Variants in ANK3 observed in about 807,000 individuals in gnomAD.
The protein encoded by ANK3 is ankyrin 3, also known as ankyrin-3.
A neutral mutation model predicts 370.9 loss-of-function variants in ANK3; 57 were observed. The observed-to-expected ratio is 0.15, with a 90% CI of 0.12 to 0.19. The LOEUF (loss-of-function observed/expected upper bound fraction) is 0.19, where lower values mean the gene tolerates loss of function less well. Among genes scored for constraint, ANK3 ranks in the 10% least tolerant of loss-of-function variants. ANK3 has a pLI of 1.00. For synonymous variants in ANK3, 1,929 were observed against 1,946.3 expected (o/e 0.99, Z 0.23); for missense variants, 4,439 against 5,302.1 (o/e 0.84, Z 5.06).
At chr10:60,605,951 T>C (rs2078123341) in intron 2 of ANK3, among the ~76,000 whole-genome samples, 1 of 152,200 alleles carries the variant, frequency 6.6e-6, no homozygotes, top group African/African-American at 2.4e-5. Flanking sequence ...AGGAGTGCCA[T>C]ATTGGTACTG....
rs1468738106 is a variant in ANK3 at position 60,601,773 on chromosome 10, TAGA to T, written c.96+13410_96+13412del. ...CATTTTGATAAATGTGTCATGGTAA[TAGA>T]AGATGTTTACAATAGGGGAAACTGG... On this transcript the variant is annotated intron_variant, in intron 2 of 43. Transcript: ENST00000373827. 2.0e-5 allele frequency among the ~76,000 whole-genome samples: 3 copies of T among 152,300 alleles called. No homozygotes were observed. In the East Asian group the frequency reaches 5.8e-4, roughly 29 times the overall value.
At position 60,073,165 on chromosome 10, in the gene ANK3, T is replaced by A; in HGVS notation, c.7716A>T (p.Ile2572=). ...CAGTCCTGTCCACCCTATCTTCATA[T>A]ATCAACTTCTCTCTACCTCTGTCTA... ...DRLDRGREKL[I]YEDRVDRTVK... Residue 2572 remains isoleucine (I), a synonymous_variant, in exon 37 of 44, where the codon ATA becomes ATT. Transcript: ENST00000280772. The A allele has an allele frequency of 6.2e-7, 1 of 1,614,118 alleles. No individual in the cohort carries two copies. The highest frequency in any genetic ancestry group is 8.5e-7 in the Non-Finnish European group (1 of 1,180,002).
intron 1 of ANK3, among the ~76,000 whole-genome samples, chr10:60,307,010 T>C (rs994904530): frequency 2.6e-5 from 4 of 152,216 alleles, no homozygotes; most frequent in Non-Finnish European, 5.9e-5. Flanking sequence ...GATTTAGGCA[T>C]GAGCCACTAT....
intron 2 of ANK3, among the ~76,000 whole-genome samples, chr10:60,485,107 C>A (rs183257424): frequency 6.6e-6 from 1 of 152,104 alleles, no homozygotes; most frequent in South Asian, 2.1e-4. Flanking sequence ...GGTAATAGCA[C>A]CAGAAAAACC....
chr10:60,279,110 G>T lies in ANK3; in HGVS notation c.255C>A (p.Gly85=). 6.2e-7 allele frequency: 1 copy of T among 1,613,806 alleles called. No individual in the cohort carries two copies. Among genetic ancestry groups the T allele is most frequent in the Non-Finnish European group, 8.5e-7 (1 of 1,179,896 alleles). Residue 85 remains glycine (G), a synonymous_variant, in exon 3 of 44, where the codon GGC becomes GGA. Transcript: ENST00000280772. ...GCAGCTCAGAAACAACCTCTACATG[G>T]CCTTCTTTGGAAGCAAGGTGGAGAG... is the stretch of plus-strand genomic sequence containing the variant. ...LNALHLASKE[G]HVEVVSELLQ... is the part of the protein sequence containing the mutation.
chr10:60,636,754 C>G (rs138814660), intron 1 of ANK3, among the ~76,000 whole-genome samples: 334 of 152,162 alleles, frequency 2.2e-3, no homozygotes, highest in African/African-American at 4.3e-3. Context: ...AAAAAACAAG[C>G]AACAAAAAAG....
At chr10:60,123,637 C>G (rs1456436011) in intron 25 of ANK3, among the ~76,000 whole-genome samples, 2 of 152,348 alleles carry the variant, frequency 1.3e-5, no homozygotes, top group East Asian at 3.9e-4. Context: ...CCTTATCTAA[C>G]AGCTCTACCA....
intron 7 of ANK3, among the ~76,000 whole-genome samples, chr10:60,242,980 G>A (rs113748037): frequency 9.2e-4 from 140 of 152,214 alleles, no homozygotes; most frequent in African/African-American, 3.3e-3. Flanking sequence ...AGGTCATGCT[G>A]TCACCGTACT....
At chr10:60,464,925 A>G (rs2064974647) in intron 2 of ANK3, among the ~76,000 whole-genome samples, 1 of 152,200 alleles carries the variant, frequency 6.6e-6, no homozygotes, top group African/African-American at 2.4e-5. Flanking sequence ...CAAATGTTTC[A>G]GGACTCTATT....
chr10:60,726,505 T>C (rs946005518), intron 1 of ANK3, among the ~76,000 whole-genome samples: 1 of 152,164 alleles, frequency 6.6e-6, no homozygotes, highest in African/African-American at 2.4e-5. Flanking sequence ...CTTATACAAA[T>C]ATTGTAAAGG....
At position 60,070,239 on chromosome 10, in the gene ANK3, T is replaced by C. The variant is rs1178692429; in HGVS notation, c.10642A>G (p.Asn3548Asp). 6.2e-7 allele frequency: 1 copy of C among 1,614,144 alleles called. No homozygotes were observed. The highest frequency in any genetic ancestry group is 1.7e-5 in the Admixed American group (1 of 60,014). ...KGLDFDPWSNNRGDDEVFDSK... is the reference protein window; with the variant it reads ...KGLDFDPWSNDRGDDEVFDSK... ...TCAAAAACTTCATCATCCCCTCGGT[T>C]ATTAGACCAAGGGTCAAAATCTAGA... Residue 3548 changes from asparagine to aspartate, a missense_variant, in exon 37 of 44, where the codon AAC (asparagine) becomes GAC (aspartate). By Grantham distance (23) the Asn-to-Asp change is conservative. Transcript: ENST00000280772. This position sits in a 1 kb window ranked among gnomAD's most constrained non-coding sequence, Gnocchi z 5.7.
intron 42 of ANK3, among the ~76,000 whole-genome samples, chr10:60,051,074 C>G (rs545086878): frequency 5.9e-5 from 9 of 152,210 alleles, no homozygotes; most frequent in African/African-American, 1.7e-4. Flanking sequence ...TTAATTCTTT[C>G]ATTCTCTTTC....
chr10:60,169,392 A>G (rs2095717824), intron 21 of ANK3, among the ~76,000 whole-genome samples: 1 of 120,322 alleles, frequency 8.3e-6, no homozygotes, highest in Admixed American at 8.4e-5. Context: ...TTTTTTTAAT[A>G]GACTGGGGCT....
chr10:60,091,730 A>ATT (rs1316739604), intron 28 of ANK3, among the ~76,000 whole-genome samples: 1 of 135,030 alleles, frequency 7.4e-6, no homozygotes, highest in Non-Finnish European at 1.6e-5. Context: ...TAATCTGCAC[A>ATT]TTTTTGTTTT....
rs577229614 is a variant in ANK3, at chr10:60,053,091, A to C, written c.13065+2567T>G. ...TTACAAGGAGTAAGAACTTGAACTA[A>C]GTTTGCTATTATTATTTTAAATTTT... On this transcript the variant is annotated intron_variant, in intron 42 of 43. Coordinates refer to ENST00000280772, the MANE Select transcript of ANK3 (RefSeq NM_020987.5). Among the ~76,000 whole-genome samples, 3 of 152,334 alleles carry C rather than the reference A, an allele frequency of 2.0e-5. No homozygotes were observed. The East Asian group carries it at 5.8e-4, about 29-fold the overall frequency.
chr10:60,247,777 C>T (rs545221447), intron 7 of ANK3, among the ~76,000 whole-genome samples: 2 of 152,296 alleles, frequency 1.3e-5, no homozygotes, highest in East Asian at 3.9e-4. Flanking sequence ...ACGTGATTCT[C>T]CTGCCTCTTA....
At chr10:60,321,169 T>C (rs551805448) in intron 1 of ANK3, among the ~76,000 whole-genome samples, 4 of 152,018 alleles carry the variant, frequency 2.6e-5, no homozygotes. Context: ...GGCAGGAAGA[T>C]CACTTGAGCC....
intron 2 of ANK3, among the ~76,000 whole-genome samples, chr10:60,496,733 GAAA>G (rs33910846): frequency 8.0e-6 from 1 of 125,574 alleles, no homozygotes; most frequent in African/African-American, 3.0e-5. Flanking sequence ...TTTTGAGACC[GAAA>G]AAAAAAAAAA....
chr10:60,174,783 C>G (rs923877904), intron 18 of ANK3, among the ~76,000 whole-genome samples: 3 of 152,122 alleles, frequency 2.0e-5, no homozygotes, highest in African/African-American at 7.2e-5. Context: ...TGTCACCAGG[C>G]TGGGGTGCAG....
Sources: gnomAD v4.1 joint callset for allele counts (sites outside exome capture counted in the v4.1 genomes callset) on GRCh38, gnomAD v4.1.1 for gene constraint, Gnocchi (gnomAD v3.1) non-coding constraint, MANE v1.5 for transcripts, NCBI Gene and HGNC (gene_info 2026-07-23, HGNC 2026-07-21) for gene names.